DPF2: variants seen among roughly 807,000 people sequenced by gnomAD.
The protein encoded by DPF2 is zinc finger protein ubi-d4.
Under a neutral mutation model 59.6 loss-of-function variants are expected in DPF2, and 10 were observed. That is an observed-to-expected ratio of 0.17 (90% CI 0.10 to 0.28). DPF2 has a LOEUF of 0.28. Among genes scored for constraint, DPF2 ranks in the 10% least tolerant of loss-of-function variants. DPF2 has a pLI of 1.00. For synonymous variants in DPF2, 189 were observed against 190.6 expected, an observed-to-expected ratio of 0.99 and a Z score of 0.07; for missense variants, 315 against 509.4, an observed-to-expected ratio of 0.62 and a Z score of 3.67.
At chr11:65,346,578 T>G in intron 9 of DPF2, 1 of 491,912 alleles carries the variant, frequency 2.0e-6, no homozygotes, top group Non-Finnish European at 3.6e-6. Flanking sequence ...CTAAAGATGC[T>G]AAAGACAAAC....
At position 65,344,387 on chromosome 11, in the gene DPF2, G is replaced by A. The variant is rs570816229; in HGVS notation, c.637+318G>A. ...GCCTCAGTTAAGCCAGGGCCCCAGGGGTCTGACACTGAGTTTTTCAACGTC... is the reference window on the plus strand; with the variant it reads ...GCCTCAGTTAAGCCAGGGCCCCAGGAGTCTGACACTGAGTTTTTCAACGTC... On this transcript the variant is annotated intron_variant, in intron 6 of 10. Coordinates refer to ENST00000528416, the MANE Select transcript of DPF2 (RefSeq NM_006268.5). 8 of 632,526 alleles carry A rather than the reference G, an allele frequency of 1.3e-5. No homozygotes were observed. In the African/African-American group the frequency reaches 1.5e-4, roughly 12 times the overall value. 39.2% of individuals were successfully genotyped at this position (632,526 alleles called of 1,614,324 possible).
chr11:65,350,424 G>T (rs1285161509), intron 10 of DPF2, among the ~76,000 whole-genome samples: 1 of 143,504 alleles, frequency 7.0e-6, no homozygotes, highest in Non-Finnish European at 1.5e-5. Context: ...GCCCATGTTG[G>T]AGTGGAGTGG....
In DPF2 at chr11:65,354,236, AT is replaced by A. The variant is rs1365009028; in HGVS notation, c.*2478del. On this transcript the variant is annotated 3_prime_UTR_variant, in exon 11 of 11. Coordinates refer to ENST00000528416, the MANE Select transcript of DPF2 (RefSeq NM_006268.5). ...GAACTTGAATCTTGTAAAGTACCAA[AT>A]CTAATAAAATACTCGTCCTAAATCA... 6.6e-6 allele frequency among the ~76,000 whole-genome samples: 1 copy of A among 152,220 alleles called. No individual in the cohort carries two copies. Among genetic ancestry groups the A allele is most frequent in the Non-Finnish European group, 1.5e-5 (1 of 68,030 alleles).
chr11:65,344,454 C>T, intron 6 of DPF2: 4 of 879,628 alleles, frequency 4.5e-6, no homozygotes, highest in Non-Finnish European at 6.9e-6. Context: ...CACTTCTGTC[C>T]CTCCACCCTG....
chr11:65,347,489 A>G (rs1331700159), intron 9 of DPF2: 1 of 151,450 alleles, frequency 6.6e-6, no homozygotes, highest in Non-Finnish European at 1.5e-5. Context: ...GCACACCACC[A>G]TGTCTGGCTA....
intron 9 of DPF2, chr11:65,346,616 T>A (rs1371926328): frequency 2.4e-6 from 1 of 415,902 alleles, no homozygotes; most frequent in Non-Finnish European, 4.3e-6. Flanking sequence ...AGATTTACAT[T>A]CTTACAGGAA....
intron 1 of DPF2, among the ~76,000 whole-genome samples, chr11:65,338,415 A>G (rs1482327870): frequency 6.6e-6 from 1 of 152,190 alleles, no homozygotes; most frequent in Non-Finnish European, 1.5e-5. Flanking sequence ...CATTCCCCGC[A>G]AAACTGTTTC....
At chr11:65,344,343 A>G in intron 6 of DPF2, 1 of 610,996 alleles carries the variant, frequency 1.6e-6, no homozygotes, top group Non-Finnish European at 2.9e-6. Context: ...CTCTCAACAG[A>G]TGGCCTGCAG....
At chr11:65,344,698 A>C in intron 6 of DPF2, 11 of 1,438,534 alleles carry the variant, frequency 7.6e-6, no homozygotes, top group African/African-American at 1.4e-5. Flanking sequence ...TGCCTTTCTC[A>C]TTTCCTGGGA....
chr11:65,351,662 C>T (rs767043735), intron 10 of DPF2, 21 bp from the exon 11 acceptor site: 6 of 1,612,530 alleles, frequency 3.7e-6, no homozygotes, highest in Non-Finnish European at 5.1e-6. Flanking sequence ...CCCATCCTGA[C>T]CCCATTTTGC....
chr11:65,353,792 A>G lies in DPF2; in HGVS notation c.*2033A>G, dbSNP rs1209210630. On this transcript the variant is annotated 3_prime_UTR_variant, in exon 11 of 11. Transcript: ENST00000528416. ...CCTGCACTGTTATGTTCAATAAATA[A>G]GCAGGGTGCTCTGGGCTGGGGATTG... Among the ~76,000 whole-genome samples, 2 of 152,182 alleles carry G rather than the reference A, an allele frequency of 1.3e-5. No homozygotes were observed. The highest frequency in any genetic ancestry group is 1.5e-5 in the Non-Finnish European group (1 of 68,038).
intron 1 of DPF2, among the ~76,000 whole-genome samples, chr11:65,336,420 C>T (rs541157498): frequency 5.3e-5 from 8 of 151,678 alleles, no homozygotes; most frequent in East Asian, 2.0e-4. Context: ...TGAACCCAGG[C>T]GGCAGAGGTT....
chr11:65,343,038 G>T (rs1168744083), intron 4 of DPF2, among the ~76,000 whole-genome samples: 2 of 150,064 alleles, frequency 1.3e-5, no homozygotes, highest in Non-Finnish European at 3.0e-5. Flanking sequence ...GGTGGCTGAC[G>T]CCTGTAATCC....
chr11:65,338,555 T>G (rs566868256), intron 1 of DPF2, among the ~76,000 whole-genome samples: 1 of 152,320 alleles, frequency 6.6e-6, no homozygotes, highest in East Asian at 1.9e-4. Context: ...TTATCCAATT[T>G]TATTCTGTGT....
At chr11:65,348,781 A>C (rs1053160405) in intron 9 of DPF2, 69 bp from the exon 10 acceptor site, 1 of 1,498,244 alleles carries the variant, frequency 6.7e-7, no homozygotes, top group Non-Finnish European at 9.3e-7. Context: ...TGGAAATAGC[A>C]GTGTCCTGTA....
At chr11:65,341,155 T>G in intron 3 of DPF2, 82 bp downstream of exon 3, 1 of 1,438,904 alleles carries the variant, frequency 6.9e-7, no homozygotes, top group Non-Finnish European at 9.7e-7. Flanking sequence ...CCAGGCCCAG[T>G]ACTAGATCCC....
chr11:65,337,498 T>TAGAGAGAG (rs1565527628), intron 1 of DPF2, among the ~76,000 whole-genome samples: 3 of 48,020 alleles, frequency 6.2e-5, no homozygotes, highest in Non-Finnish European at 7.6e-5. Context: ...TATATATATA[T>TAGAGAGAG]ATATATAGAG....
chr11:65,336,785 CAAA>C (rs751170058), intron 1 of DPF2, among the ~76,000 whole-genome samples: 3 of 65,876 alleles, frequency 4.6e-5, no homozygotes, highest in South Asian at 4.8e-4. Context: ...GACTCCATCT[CAAA>C]AAAAAAAAAA....
intron 9 of DPF2, 42 bp downstream of exon 9, chr11:65,346,401 C>A (rs779401217): frequency 4.8e-5 from 75 of 1,557,336 alleles, no homozygotes; most frequent in Non-Finnish European, 6.2e-5. Context: ...TCCTTCTGGG[C>A]TTTTACTGCT....
Sources: gnomAD v4.1 joint callset for allele counts (sites outside exome capture counted in the v4.1 genomes callset) on GRCh38, gnomAD v4.1.1 for gene constraint, MANE v1.5 for transcripts, NCBI Gene and HGNC (gene_info 2026-07-23, HGNC 2026-07-21) for gene names.